Variants in OPCML observed in about 807,000 individuals in gnomAD.
OPCML encodes opioid binding protein/cell adhesion molecule like.
Under a neutral mutation model 37.8 loss-of-function variants are expected in OPCML, and 13 were observed. The observed-to-expected ratio is 0.34, with a 90% CI of 0.22 to 0.55. The LOEUF is 0.55. Ranked by LOEUF, OPCML falls within the 20% of genes least tolerant of loss-of-function variation. The pLI, the probability that OPCML is intolerant of heterozygous loss-of-function variation, is 0.91. For missense variants in OPCML, 341 were observed against 435.6 expected, an observed-to-expected ratio of 0.78 and a Z score of 1.93; for synonymous variants, 176 against 168.8, an observed-to-expected ratio of 1.04 and a Z score of -0.33.
intron 2 of OPCML, among the ~76,000 whole-genome samples, chr11:132,907,072 C>T (rs1944266807): frequency 6.6e-6 from 1 of 152,154 alleles, no homozygotes; most frequent in African/African-American, 2.4e-5. Flanking sequence ...CCAGATTTTC[C>T]TGCTTACAAT....
rs372492044 is a variant in OPCML, at chr11:132,825,747, T to G, written c.146+117179A>C. Among the ~76,000 whole-genome samples, 12 of 152,302 alleles carry G rather than the reference T, an allele frequency of 7.9e-5. 1 individual carries two copies. In the East Asian group the frequency reaches 2.3e-3, roughly 29 times the overall value. The stretch of plus-strand genomic sequence containing the variant: ...GGGAAGCTTATTAACCTAAATGCAT[T>G]ATTAATTGGTAGAATGTCTGTTAGT... On this transcript the variant is annotated intron_variant, in intron 2 of 7. Coordinates refer to ENST00000524381, the MANE Select transcript of OPCML (RefSeq NM_001012393.5).
intron 4 of OPCML, among the ~76,000 whole-genome samples, chr11:132,460,466 A>G (rs78494020): frequency 6.6e-6 from 1 of 152,190 alleles, no homozygotes; most frequent in Non-Finnish European, 1.5e-5. Context: ...TCAGGGGTCA[A>G]TGAATCTTAC....
chr11:132,563,476 T>A (rs1228509984), intron 3 of OPCML, among the ~76,000 whole-genome samples: 2 of 151,942 alleles, frequency 1.3e-5, no homozygotes, highest in African/African-American at 4.8e-5. Flanking sequence ...AGCTCATTCA[T>A]GGGAATGGGC....
chr11:132,530,028 C>T (rs1163183441), intron 3 of OPCML, among the ~76,000 whole-genome samples: 1 of 152,146 alleles, frequency 6.6e-6, no homozygotes, highest in East Asian at 1.9e-4. Context: ...ATTCTTCTCA[C>T]TCAGGAAATG....
At chr11:132,900,222 C>A (rs979405588) in intron 2 of OPCML, among the ~76,000 whole-genome samples, 4 of 152,262 alleles carry the variant, frequency 2.6e-5, no homozygotes, top group African/African-American at 7.2e-5. Flanking sequence ...GGTCTTATTT[C>A]TGTACTTTCT....
chr11:132,492,886 C>T (rs1330043825), intron 4 of OPCML, among the ~76,000 whole-genome samples: 1 of 152,150 alleles, frequency 6.6e-6, no homozygotes, highest in Admixed American at 6.5e-5. Flanking sequence ...CTTCAGTAGA[C>T]AGCATCTAGC....
intron 1 of OPCML, among the ~76,000 whole-genome samples, chr11:132,965,364 C>T (rs555891542): frequency 2.0e-5 from 3 of 151,926 alleles, no homozygotes; most frequent in South Asian, 2.1e-4. Context: ...TGTTTTGTGT[C>T]GGGGGGAGAT....
At chr11:133,409,598 G>A (rs1017501909) in intron 1 of OPCML, among the ~76,000 whole-genome samples, 7 of 152,114 alleles carry the variant, frequency 4.6e-5, no homozygotes, top group Non-Finnish European at 8.8e-5. Context: ...TCTACCAACC[G>A]TAACAGCTGT....
intron 1 of OPCML, among the ~76,000 whole-genome samples, chr11:133,250,959 A>C (rs1371640639): frequency 6.6e-6 from 1 of 152,002 alleles, no homozygotes; most frequent in Admixed American, 6.6e-5. Context: ...CAGGAGGAGG[A>C]ACAGCTTTTT....
chr11:133,110,100 C>T (rs918469895), intron 1 of OPCML, among the ~76,000 whole-genome samples: 1 of 152,108 alleles, frequency 6.6e-6, no homozygotes, highest in Non-Finnish European at 1.5e-5. Context: ...CAACCCTGTA[C>T]CTATAAAGCA....
At chr11:132,705,821 C>T (rs1232791457) in intron 2 of OPCML, among the ~76,000 whole-genome samples, 1 of 151,918 alleles carries the variant, frequency 6.6e-6, no homozygotes, top group African/African-American at 2.4e-5. Context: ...TATTTCTTTT[C>T]TTTTTCGAGA....
chr11:133,285,782 C>T (rs1239605011), intron 1 of OPCML, among the ~76,000 whole-genome samples: 1 of 152,200 alleles, frequency 6.6e-6, no homozygotes, highest in Non-Finnish European at 1.5e-5. Context: ...TGTAGAATCT[C>T]TCCTAACTAA....
intron 1 of OPCML, among the ~76,000 whole-genome samples, chr11:133,425,311 C>T (rs1348903589): frequency 7.2e-5 from 11 of 152,256 alleles, no homozygotes; most frequent in Non-Finnish European, 2.9e-5. Context: ...CAGTGGTCTT[C>T]CTTATTACAG....
chr11:133,006,954 G>A (rs1947125358), intron 1 of OPCML: 10 of 985,466 alleles, frequency 1.0e-5, no homozygotes, highest in Middle Eastern at 5.2e-4. Flanking sequence ...CCTAATAAAT[G>A]TCTGCAAAAT....
Position 133,106,256 on chromosome 11 carries a change from C to CAGTT in OPCML, c.62-163250_62-163247dup, listed in dbSNP as rs1175880693. Among the ~76,000 whole-genome samples, 3 of 152,322 alleles carry CAGTT rather than the reference C, an allele frequency of 2.0e-5. No individual in the cohort carries two copies. The East Asian group carries it at 5.8e-4, about 29-fold the overall frequency. On this transcript the variant is annotated intron_variant, in intron 1 of 7. Transcript: ENST00000524381. ...AGGAAAAGAAGTTTTATGGACTGTG[C>CAGTT]AGTTGCATATCATCATCAACGTATG...
intron 1 of OPCML, among the ~76,000 whole-genome samples, chr11:133,192,870 CTT>C (rs199872888): frequency 2.1e-4 from 29 of 138,158 alleles, no homozygotes; most frequent in East Asian, 2.1e-4. Flanking sequence ...CTTTTCTTTT[CTT>C]TTTTTTTTTT....
intron 2 of OPCML, among the ~76,000 whole-genome samples, chr11:132,800,063 T>C (rs1325072387): frequency 6.6e-6 from 1 of 152,234 alleles, no homozygotes; most frequent in African/African-American, 2.4e-5. Flanking sequence ...GAACATTGGA[T>C]GTCTTTCCAT....
At chr11:133,216,803 T>C (rs1231147536) in intron 1 of OPCML, among the ~76,000 whole-genome samples, 2 of 152,238 alleles carry the variant, frequency 1.3e-5, no homozygotes, top group South Asian at 4.1e-4. Context: ...TACTCAAATA[T>C]ATACTTAAGC....
At chr11:133,194,824 T>A (rs1938472980) in intron 1 of OPCML, among the ~76,000 whole-genome samples, 2 of 152,190 alleles carry the variant, frequency 1.3e-5, no homozygotes. Flanking sequence ...GACACATACG[T>A]AATGCCCCTG....
Sources: gnomAD v4.1 joint callset for allele counts (sites outside exome capture counted in the v4.1 genomes callset) on GRCh38, gnomAD v4.1.1 for gene constraint, MANE v1.5 for transcripts, NCBI Gene and HGNC (gene_info 2026-07-23, HGNC 2026-07-21) for gene names.